The following RXRG variants were observed in gnomAD, a reference collection of about 807,000 sequenced individuals.
RXRG encodes the protein retinoid X receptor gamma.
A neutral mutation model predicts 49.2 loss-of-function variants in RXRG; 19 were observed. That is an observed-to-expected ratio of 0.39 (90% CI 0.27 to 0.57). The LOEUF is 0.57. Ranked by LOEUF, RXRG falls within the 20% of genes least tolerant of loss-of-function variation. RXRG has a pLI of 0.64. For missense variants in RXRG, 452 were observed against 592.5 expected, an observed-to-expected ratio of 0.76 and a Z score of 2.46; for synonymous variants, 224 against 216.6, an observed-to-expected ratio of 1.03 and a Z score of -0.30.
Position 165,419,978 on chromosome 1 carries a change from T to A in RXRG, c.334A>T (p.Ile112Phe), listed in dbSNP as rs1260132672. ...CCGGGAAGCCCTGGTAAGGGCTTGA[T>A]GTCCTCTGAACTGCTGACACTGTTG... The part of the protein sequence containing the change: ...VVNSVSSSED[I>F]KPLPGLPGIG... Residue 112 changes from isoleucine (I) to phenylalanine (F), a missense_variant, in exon 3 of 10, where the codon ATC becomes TTC. By Grantham distance (21) the Ile-to-Phe change is conservative. Around this residue, in one of 2 missense-constraint regions of RXRG, gnomAD observed 166 missense variants for 151.7 expected, o/e 1.09. Coordinates refer to ENST00000359842, the MANE Select transcript of RXRG (RefSeq NM_006917.5). 6.2e-7 allele frequency: 1 copy of A among 1,613,070 alleles called. No individual in the cohort carries two copies. Among genetic ancestry groups the A allele is most frequent in the Non-Finnish European group, 8.5e-7 (1 of 1,179,486 alleles).
intron 2 of RXRG, among the ~76,000 whole-genome samples, chr1:165,425,216 G>C (rs763336027): frequency 1.3e-5 from 2 of 152,226 alleles, no homozygotes; most frequent in Non-Finnish European, 2.9e-5. Flanking sequence ...GTTGCTAAAA[G>C]CAGCCTCAGA....
intron 3 of RXRG, among the ~76,000 whole-genome samples, chr1:165,419,268 G>A (rs1658231307): frequency 6.6e-6 from 1 of 152,014 alleles, no homozygotes; most frequent in African/African-American, 2.4e-5. Flanking sequence ...ATATTAAAGG[G>A]TTTATTTTTC....
intron 2 of RXRG, among the ~76,000 whole-genome samples, chr1:165,421,507 T>G (rs1348586522): frequency 1.3e-5 from 2 of 150,492 alleles, no homozygotes; most frequent in African/African-American, 2.4e-5. Context: ...GAGTCTGAGG[T>G]AGGGCCTTGG....
chr1:165,444,943 C>A lies in RXRG; in HGVS notation c.-50G>T, dbSNP rs61800591. The A allele has an allele frequency of 1.3e-6, 2 of 1,564,232 alleles. No homozygotes were observed. Among genetic ancestry groups the A allele is most frequent in the Non-Finnish European group, 1.8e-6 (2 of 1,134,844 alleles). On this transcript the variant is annotated 5_prime_UTR_variant, in exon 1 of 10. Coordinates refer to ENST00000359842, the MANE Select transcript of RXRG (RefSeq NM_006917.5). ...CTCCTGTGCAGCTTCTAAATATTAC[C>A]GCCTCTCTCGGCTCCCAGGCACAGC...
chr1:165,423,703 T>TG (rs780231032), intron 2 of RXRG, among the ~76,000 whole-genome samples: 128 of 61,484 alleles, frequency 2.1e-3, no homozygotes, highest in Middle Eastern at 0.011. Context: ...TGTGTGTTGC[T>TG]GGGGGCGGTG....
Position 165,417,026 on chromosome 1 carries a change from C to A in RXRG, c.622+15G>T, listed in dbSNP as rs755700152. The A allele has an allele frequency of 2.5e-6, 4 of 1,603,494 alleles. No homozygotes were observed. In the Admixed American group the frequency reaches 6.7e-5, roughly 27 times the overall value. ...CTCTCTCCGGACACGAGTTTTGGAA[C>A]TGAATGTGTCTCACCTTCCCTCTTC... On this transcript the variant is annotated intron_variant, in intron 4 of 9. Transcript: ENST00000359842.
intron 6 of RXRG, 122 bp downstream of exon 6, chr1:165,410,580 T>C (rs1041562940): frequency 2.7e-6 from 3 of 1,108,908 alleles, no homozygotes; most frequent in Non-Finnish European, 3.9e-6. Context: ...CGCACAGGGT[T>C]ATTTCATCAT....
intron 7 of RXRG, among the ~76,000 whole-genome samples, chr1:165,409,013 T>C (rs935666834): frequency 2.5e-4 from 38 of 152,168 alleles, no homozygotes; most frequent in Non-Finnish European, 1.8e-4. Context: ...TTTCCTTTAG[T>C]ATCATTTAAG....
chr1:165,437,405 T>C (rs1421817421), intron 1 of RXRG, among the ~76,000 whole-genome samples: 1 of 152,192 alleles, frequency 6.6e-6, no homozygotes, highest in African/African-American at 2.4e-5. Flanking sequence ...TGAGTTTAAG[T>C]GAATGGATTC....
chr1:165,406,598 A>G (rs283698), intron 9 of RXRG, among the ~76,000 whole-genome samples: 125,398 of 152,260 alleles, frequency 0.82, 51,827 homozygotes, highest in East Asian at 0.93. Context: ...GTCGGGCACT[A>G]TTTTACGTGT....
chr1:165,407,262 G>A (rs283695), intron 8 of RXRG, among the ~76,000 whole-genome samples: 84,212 of 152,040 alleles, frequency 0.55, 25,300 homozygotes, highest in African/African-American at 0.78. Flanking sequence ...ATAAGATGGG[G>A]CACGAAAGCT....
chr1:165,404,689 TACAC>T (rs1657690595), intron 9 of RXRG, among the ~76,000 whole-genome samples: 1 of 152,198 alleles, frequency 6.6e-6, no homozygotes, highest in Admixed American at 6.5e-5. Flanking sequence ...ACATAATAGA[TACAC>T]GACAACACTG....
At chr1:165,417,313 C>T in intron 3 of RXRG, 93 bp from the exon 4 acceptor site, 1 of 1,212,906 alleles carries the variant, frequency 8.2e-7, no homozygotes. Context: ...CCCAGAGAAA[C>T]AGGCATATCA....
intron 2 of RXRG, among the ~76,000 whole-genome samples, chr1:165,422,996 C>G (rs1658370373): frequency 6.6e-6 from 1 of 152,226 alleles, no homozygotes; most frequent in Non-Finnish European, 1.5e-5. Context: ...GGAGCCCCTG[C>G]AGGAGCAGAC....
intron 9 of RXRG, among the ~76,000 whole-genome samples, chr1:165,404,798 A>T (rs1462315677): frequency 6.6e-6 from 1 of 152,150 alleles, no homozygotes; most frequent in Non-Finnish European, 1.5e-5. Flanking sequence ...CGCTCTTGTC[A>T]TCCAGGCTGG....
intron 4 of RXRG, among the ~76,000 whole-genome samples, chr1:165,412,018 G>A (rs566029672): frequency 2.5e-4 from 38 of 152,238 alleles, no homozygotes; most frequent in Non-Finnish European, 5.1e-4. Flanking sequence ...CCTTTAAGCA[G>A]GTGACTAGCC....
intron 1 of RXRG, among the ~76,000 whole-genome samples, chr1:165,443,942 T>C (rs568156354): frequency 6.6e-6 from 1 of 152,350 alleles, no homozygotes; most frequent in South Asian, 2.1e-4. Flanking sequence ...GCTGCATGCC[T>C]CCAACTGACA....
At chr1:165,417,381 A>G (rs1658159886) in intron 3 of RXRG, among the ~76,000 whole-genome samples, 161 bp from the exon 4 acceptor site, 1 of 152,212 alleles carries the variant, frequency 6.6e-6, no homozygotes, top group African/African-American at 2.4e-5. Flanking sequence ...GCTTGATCAC[A>G]GGAACCAAAC....
rs1332866433 is a variant in RXRG, at chr1:165,419,949, A to G, written c.363T>C (p.Ile121=). 6.2e-7 allele frequency: 1 copy of G among 1,613,454 alleles called. No individual in the cohort carries two copies. Among genetic ancestry groups the G allele is most frequent in the Non-Finnish European group, 8.5e-7 (1 of 1,179,628 alleles). The change falls in exon 3 of 10, where the codon ATT becomes ATC. Residue 121 remains isoleucine, a synonymous_variant. Coordinates refer to ENST00000359842, the MANE Select transcript of RXRG (RefSeq NM_006917.5). The stretch of plus-strand genomic sequence containing the variant: ...TGGTGGATGGGTAGTTCATGTTTCC[A>G]ATCCCGGGAAGCCCTGGTAAGGGCT... ...DIKPLPGLPG[I]GNMNYPSTSP... is the part of the protein sequence containing the mutation.
Sources: gnomAD v4.1 joint callset for allele counts (sites outside exome capture counted in the v4.1 genomes callset) on GRCh38, gnomAD v4.1.1 for gene constraint, gnomAD v4.1.1 regional missense constraint, MANE v1.5 for transcripts, NCBI Gene and HGNC (gene_info 2026-07-23, HGNC 2026-07-21) for gene names.